SLC18B1: variants seen among roughly 807,000 people sequenced by gnomAD.
SLC18B1 encodes MFS-type transporter SLC18B1.
In SLC18B1, 62 loss-of-function variants were observed where a neutral mutation model predicts 53.9. That is an observed-to-expected ratio of 1.15 (90% confidence interval 0.94 to 1.42). SLC18B1 has a LOEUF of 1.42. SLC18B1 is among the 40% of genes most tolerant of loss of function. SLC18B1 has a pLI of 0.00. For synonymous variants in SLC18B1, 217 were observed against 200.9 expected, an observed-to-expected ratio of 1.08 and a Z score of -0.68; for missense variants, 598 against 547.3, an observed-to-expected ratio of 1.09 and a Z score of -0.93.
At chr6:132,790,716 A>G (rs1196030096) in intron 2 of SLC18B1, among the ~76,000 whole-genome samples, 1 of 152,216 alleles carries the variant, frequency 6.6e-6, no homozygotes, top group Non-Finnish European at 1.5e-5. Context: ...AAGTTCCATG[A>G]GTGGGCACAT....
intron 2 of SLC18B1, among the ~76,000 whole-genome samples, chr6:132,792,650 A>G (rs2114686863): frequency 6.6e-6 from 1 of 152,284 alleles, no homozygotes; most frequent in South Asian, 2.1e-4. Context: ...AGGAACTTGC[A>G]AAGGTTACAG....
At chr6:132,775,119 T>C (rs1377570035) in intron 8 of SLC18B1, among the ~76,000 whole-genome samples, 1 of 152,212 alleles carries the variant, frequency 6.6e-6, no homozygotes, top group African/African-American at 2.4e-5. Context: ...CCTTCATGAA[T>C]AGAATTAGTA....
chr6:132,778,576 T>A (rs536947529), intron 7 of SLC18B1, among the ~76,000 whole-genome samples: 71 of 152,314 alleles, frequency 4.7e-4, no homozygotes, highest in Non-Finnish European at 8.5e-4. Context: ...TAAGTTTCTG[T>A]GCTATTTTAA....
Position 132,796,996 on chromosome 6 carries a change from A to C in SLC18B1, c.169T>G (p.Phe57Val). 1 of 1,612,912 alleles carries C rather than the reference A, an allele frequency of 6.2e-7. No homozygotes were observed. The highest frequency in any genetic ancestry group is 2.2e-5 in the East Asian group (1 of 44,872). ...SMMCYSILGP[F>V]FPKEAEKKGA... ...AAATGTCTTACCTCTTTGGGGAAAA[A>C]CGGTCCAAGTATAGAATAGCACATC... Residue 57 changes from phenylalanine (F) to valine (V), a missense_variant, in exon 2 of 14, where the codon TTT (phenylalanine) becomes GTT (valine). Coordinates refer to ENST00000275227, the MANE Select transcript of SLC18B1 (RefSeq NM_052831.3).
intron 3 of SLC18B1, 128 bp downstream of exon 3, chr6:132,790,049 A>G (rs1582870637): frequency 3.8e-6 from 3 of 789,006 alleles, no homozygotes; most frequent in Admixed American, 2.9e-5. Context: ...AACTGTCAAC[A>G]CTGGCACAAT....
chr6:132,773,184 T>C, intron 9 of SLC18B1, 96 bp from the exon 10 acceptor site: 2 of 817,942 alleles, frequency 2.4e-6, no homozygotes, highest in South Asian at 3.0e-5. Context: ...GGATCCCTGA[T>C]AAGTTATTTC....
chr6:132,792,307 G>A (rs1441151097), intron 2 of SLC18B1, among the ~76,000 whole-genome samples: 26 of 92,192 alleles, frequency 2.8e-4, no homozygotes, highest in African/African-American at 1.6e-3. Flanking sequence ...AAGGAAGGAA[G>A]GAAGGAAGGA....
intron 10 of SLC18B1, among the ~76,000 whole-genome samples, 189 bp downstream of exon 10, chr6:132,772,804 A>G (rs1423029976): frequency 6.6e-6 from 1 of 152,218 alleles, no homozygotes; most frequent in African/African-American, 2.4e-5. Flanking sequence ...TTAGCTATTA[A>G]TGTACTATTA....
intron 2 of SLC18B1, among the ~76,000 whole-genome samples, chr6:132,796,532 G>GAAAAAAAAAAAAAAAAA (rs56286125): frequency 1.3e-5 from 1 of 77,890 alleles, no homozygotes; most frequent in Non-Finnish European, 2.4e-5. Context: ...GTCTCGAAAG[G>GAAAAAAAAAAAAAAAAA]AAAAAAAAAA....
chr6:132,771,105 A>T lies in SLC18B1; in HGVS notation c.1185T>A (p.Gly395=). 1 of 1,614,140 alleles carries T rather than the reference A, an allele frequency of 6.2e-7. No homozygotes were observed. Among genetic ancestry groups the T allele is most frequent in the Non-Finnish European group, 8.5e-7 (1 of 1,180,006 alleles). ...SIGAFMGPTL[G]GFLYEKIGFE... Reference sequence around the variant, plus strand: ...AACCAATTTTCTCATACAGAAATCCACCCAGCGTTGGTCCCATAAAAGCAC... The same window carrying T: ...AACCAATTTTCTCATACAGAAATCCTCCCAGCGTTGGTCCCATAAAAGCAC... The change falls in exon 12 of 14, where the codon GGT becomes GGA. Residue 395 remains glycine (G), a synonymous_variant. Transcript: ENST00000275227.
rs1455946650 is a variant in SLC18B1 at position 132,792,305 on chromosome 6, A to G, written c.184-2033T>C. ...AAAGGAAGAAAGGAAGGAAGGAAGGAAGGAAGGAAGGAAGGAAGGAAGGAA... is the reference window on the plus strand; with the variant it reads ...AAAGGAAGAAAGGAAGGAAGGAAGGGAGGAAGGAAGGAAGGAAGGAAGGAA... On this transcript the variant is annotated intron_variant, in intron 2 of 13. Transcript: ENST00000275227. 8.9e-5 allele frequency among the ~76,000 whole-genome samples: 9 copies of G among 100,872 alleles called. No homozygotes were observed. The South Asian group carries it at 3.3e-3, about 37-fold the overall frequency. 66.2% of individuals were successfully genotyped at this position (100,872 alleles called of 152,430 possible). A position where few individuals can be genotyped will look rare whatever the true frequency, so the allele number is the denominator to read the frequency against.
intron 1 of SLC18B1, 73 bp downstream of exon 1, chr6:132,798,341 C>G (rs1418807400): frequency 7.0e-7 from 1 of 1,422,642 alleles, no homozygotes; most frequent in East Asian, 2.7e-5. Flanking sequence ...ATAAGCAATT[C>G]AATCGTTGCT....
intron 11 of SLC18B1, 41 bp from the exon 12 acceptor site, chr6:132,771,170 A>G: frequency 1.3e-6 from 2 of 1,535,292 alleles, no homozygotes; most frequent in Non-Finnish European, 1.8e-6. Context: ...TAGTGCAAAA[A>G]ATAAATAATT....
intron 5 of SLC18B1, among the ~76,000 whole-genome samples, chr6:132,785,945 G>GA (rs1290376722): frequency 4.5e-5 from 6 of 132,442 alleles, no homozygotes; most frequent in African/African-American, 1.4e-4. Flanking sequence ...AGAAAAGAAA[G>GA]AAAAAAAATG....
In SLC18B1 at chr6:132,782,324, T is replaced by A. The variant is rs371152022; in HGVS notation, c.658+1609A>T. Reference sequence around the variant, plus strand: ...TATATTTATGGTATAAAACATTATATTTTGATATGTGTATACATTGTAGAA... The same window carrying A: ...TATATTTATGGTATAAAACATTATAATTTGATATGTGTATACATTGTAGAA... On this transcript the variant is annotated intron_variant, in intron 6 of 13. Coordinates refer to ENST00000275227, the MANE Select transcript of SLC18B1 (RefSeq NM_052831.3). Among the ~76,000 whole-genome samples the A allele has an allele frequency of 9.2e-4, 140 of 152,288 alleles. 2 individuals are homozygous for A. In the South Asian group the frequency reaches 0.016, roughly 18 times the overall value.
At chr6:132,778,058 T>C (rs570390940) in intron 7 of SLC18B1, among the ~76,000 whole-genome samples, 1 of 151,938 alleles carries the variant, frequency 6.6e-6, no homozygotes, top group South Asian at 2.1e-4. Context: ...TAATGGAAAA[T>C]TACAGTTAAA....
At chr6:132,770,989 T>G (rs1448053508) in intron 12 of SLC18B1, 47 bp downstream of exon 12, 1 of 1,611,016 alleles carries the variant, frequency 6.2e-7, no homozygotes, top group South Asian at 1.1e-5. Context: ...CAAGTCAAGT[T>G]TTTCCACAAA....
intron 11 of SLC18B1, among the ~76,000 whole-genome samples, 190 bp downstream of exon 11, chr6:132,771,942 A>T (rs989075113): frequency 3.3e-5 from 5 of 152,094 alleles, no homozygotes; most frequent in Non-Finnish European, 7.4e-5. Flanking sequence ...AAATACAAAA[A>T]TTAGCCAGAT....
At chr6:132,797,240 T>A (rs1781718617) in intron 1 of SLC18B1, 119 bp from the exon 2 acceptor site, 1 of 1,175,970 alleles carries the variant, frequency 8.5e-7, no homozygotes, top group Non-Finnish European at 1.2e-6. Flanking sequence ...AGCTTAGGGC[T>A]ATTTTGAATA....
Sources: gnomAD v4.1 joint callset for allele counts (sites outside exome capture counted in the v4.1 genomes callset) on GRCh38, gnomAD v4.1.1 for gene constraint, MANE v1.5 for transcripts, NCBI Gene and HGNC (gene_info 2026-07-23, HGNC 2026-07-21) for gene names.